SIPA1L1: variants seen among roughly 807,000 people sequenced by gnomAD.
SIPA1L1 encodes signal-induced proliferation-associated 1-like protein 1.
Under a neutral mutation model 162.7 loss-of-function variants are expected in SIPA1L1, and 26 were observed. The observed-to-expected ratio is 0.16, with a 90% CI of 0.12 to 0.22. The LOEUF (loss-of-function observed/expected upper bound fraction) is 0.22, where lower values mean the gene tolerates loss of function less well. SIPA1L1 is among the 10% of genes least tolerant of loss of function. The pLI, the probability that SIPA1L1 is intolerant of heterozygous loss-of-function variation, is 1.00. For synonymous variants in SIPA1L1, 829 were observed against 837.4 expected (o/e 0.99, Z 0.17); for missense variants, 1,874 against 2,241.0 (o/e 0.84, Z 3.31).
At chr14:71,686,775 T>TC (rs2080898208) in intron 13 of SIPA1L1, among the ~76,000 whole-genome samples, 1 of 152,160 alleles carries the variant, frequency 6.6e-6, no homozygotes, top group African/African-American at 2.4e-5. Flanking sequence ...CTTAATCACA[T>TC]CTCAGAATGT....
In SIPA1L1 at chr14:71,417,469, C is replaced by CAAAAAAAAAA. The variant is rs58628136; in HGVS notation, c.-464-95249_-464-95240dup. On this transcript the variant is annotated intron_variant, in intron 2 of 23. Transcript: ENST00000381232. ...CCTGGGCGACAGCGAGACTCCGTCT[C>CAAAAAAAAAA]AAAAAAAAAAAAAAAAAAAAAAAAA... Among the ~76,000 whole-genome samples, 69 of 17,770 alleles carry CAAAAAAAAAA rather than the reference C, an allele frequency of 3.9e-3. 16 individuals are homozygous for CAAAAAAAAAA. Among genetic ancestry groups the CAAAAAAAAAA allele is most frequent in the Admixed American group, 9.1e-3 (9 of 992 alleles). The allele number at this position is 17,770 out of a possible 152,430, so 11.7% of individuals were successfully genotyped here. A position where few individuals can be genotyped will look rare whatever the true frequency, so the allele number is the denominator to read the frequency against.
chr14:71,601,014 T>A (rs918519006), intron 5 of SIPA1L1, among the ~76,000 whole-genome samples: 1 of 152,140 alleles, frequency 6.6e-6, no homozygotes, highest in African/African-American at 2.4e-5. Flanking sequence ...ACTTAAGTTT[T>A]TTCTAGATAT....
intron 2 of SIPA1L1, among the ~76,000 whole-genome samples, chr14:71,435,746 G>A (rs368191371): frequency 4.6e-5 from 7 of 152,136 alleles, no homozygotes; most frequent in Admixed American, 1.3e-4. Flanking sequence ...TTGAGGAATC[G>A]CCATGCTGTC....
intron 2 of SIPA1L1, among the ~76,000 whole-genome samples, chr14:71,487,339 G>A (rs1340965475): frequency 1.3e-5 from 2 of 152,184 alleles, no homozygotes; most frequent in Non-Finnish European, 2.9e-5. Flanking sequence ...AGGAAGTTAA[G>A]CAGTGGTGAT....
rs575343925 is a variant in SIPA1L1 at position 71,543,649 on chromosome 14, T to G, written c.-303+14279T>G. ...TTTGCTATTTCCTGATGACTGATTTTGAGCATCTTTTTATGTGCTGATTGG... is the reference window on the plus strand; with the variant it reads ...TTTGCTATTTCCTGATGACTGATTTGGAGCATCTTTTTATGTGCTGATTGG... On this transcript the variant is annotated intron_variant, in intron 4 of 23. Coordinates refer to ENST00000381232, the MANE Select transcript of SIPA1L1 (RefSeq NM_001386936.1). Among the ~76,000 whole-genome samples, 3 of 152,114 alleles carry G rather than the reference T, an allele frequency of 2.0e-5. No homozygotes were observed. The East Asian group carries it at 5.8e-4, about 29-fold the overall frequency.
intron 2 of SIPA1L1, among the ~76,000 whole-genome samples, chr14:71,380,076 T>C (rs2141170442): frequency 6.6e-6 from 1 of 152,322 alleles, no homozygotes; most frequent in South Asian, 2.1e-4. Flanking sequence ...GTCATGTAAA[T>C]ATACTGCTAG....
chr14:71,722,069 C>T (rs1199681295), intron 17 of SIPA1L1, among the ~76,000 whole-genome samples: 1 of 152,218 alleles, frequency 6.6e-6, no homozygotes, highest in Non-Finnish European at 1.5e-5. Flanking sequence ...TGCAAAGTCC[C>T]ACACCCTCTC....
chr14:71,513,212 A>G (rs548685489), intron 3 of SIPA1L1, among the ~76,000 whole-genome samples: 7 of 152,204 alleles, frequency 4.6e-5, no homozygotes, highest in Admixed American at 1.3e-4. Flanking sequence ...AACTCCAGGT[A>G]GACAGTATCA....
At chr14:71,646,684 G>A (rs2042202842) in intron 7 of SIPA1L1, among the ~76,000 whole-genome samples, 1 of 152,178 alleles carries the variant, frequency 6.6e-6, no homozygotes, top group African/African-American at 2.4e-5. Context: ...TTTATTGAGT[G>A]CCCAGCACTT....
chr14:71,586,572 C>G (rs1268669520), intron 4 of SIPA1L1: 1 of 152,180 alleles, frequency 6.6e-6, no homozygotes, highest in African/African-American at 2.4e-5. Context: ...GAGCCTCTGC[C>G]TTTCTTTTCA....
rs960447548 is a variant in SIPA1L1 at position 71,728,281 on chromosome 14, C to G, written c.4615-1774C>G. On this transcript the variant is annotated intron_variant, in intron 19 of 23. Transcript: ENST00000381232. ...TATTTTTTAAGAAAATTACAGTTAG[C>G]AAGCCATATAATGGCTCTAATGCTC... Among the ~76,000 whole-genome samples, 3 of 152,094 alleles carry G rather than the reference C, an allele frequency of 2.0e-5. No individual in the cohort carries two copies. In the East Asian group the frequency reaches 5.8e-4, roughly 29 times the overall value.
intron 5 of SIPA1L1, among the ~76,000 whole-genome samples, chr14:71,609,254 C>G (rs998381533): frequency 2.0e-5 from 3 of 151,870 alleles, no homozygotes; most frequent in Non-Finnish European, 2.9e-5. Flanking sequence ...TACGAACTCT[C>G]CTTGGAATAA....
intron 2 of SIPA1L1, among the ~76,000 whole-genome samples, chr14:71,357,378 A>C (rs944973342): frequency 8.5e-5 from 13 of 152,216 alleles, no homozygotes; most frequent in Admixed American, 5.9e-4. Flanking sequence ...TGATTTGCTC[A>C]AGACTGTATA....
chr14:71,463,532 C>T (rs2046766778), intron 2 of SIPA1L1, among the ~76,000 whole-genome samples: 2 of 152,176 alleles, frequency 1.3e-5, no homozygotes, highest in African/African-American at 2.4e-5. Flanking sequence ...TCCCTTTCCC[C>T]AGTGCACAGT....
chr14:71,577,730 C>CTTTT lies in SIPA1L1; in HGVS notation c.-302-9823_-302-9820dup, dbSNP rs5809525. 4.5e-4 allele frequency among the ~76,000 whole-genome samples: 44 copies of CTTTT among 97,138 alleles called. 3 individuals are homozygous for CTTTT. The highest frequency in any genetic ancestry group is 1.3e-3 in the African/African-American group (31 of 24,208). The allele number at this position is 97,138 out of a possible 152,430, so 63.7% of individuals were successfully genotyped here. A position where few individuals can be genotyped will look rare whatever the true frequency, so the allele number is the denominator to read the frequency against. The stretch of plus-strand genomic sequence containing the variant: ...TAACTTTATGGCTTGTTGGGCATGC[C>CTTTT]TTTTTTTTTTTTTTTTTTTTTGAAA... On this transcript the variant is annotated intron_variant, in intron 4 of 23. Coordinates refer to ENST00000381232, the MANE Select transcript of SIPA1L1 (RefSeq NM_001386936.1).
chr14:71,602,332 G>A (rs2036870539), intron 5 of SIPA1L1, among the ~76,000 whole-genome samples: 1 of 152,042 alleles, frequency 6.6e-6, no homozygotes, highest in South Asian at 2.1e-4. Flanking sequence ...TCATTCAGGA[G>A]CATATTGTTT....
intron 2 of SIPA1L1, among the ~76,000 whole-genome samples, chr14:71,442,092 G>T (rs577978515): frequency 7.0e-6 from 1 of 143,162 alleles, no homozygotes; most frequent in South Asian, 2.2e-4. Flanking sequence ...GGAATGGCTT[G>T]AACCTGGGAG....
At chr14:71,586,163 A>T (rs1390422701) in intron 4 of SIPA1L1, 1 of 152,218 alleles carries the variant, frequency 6.6e-6, no homozygotes, top group Non-Finnish European at 1.5e-5. Context: ...ATGGCTCCAC[A>T]GACTCAGCCA....
At chr14:71,710,468 A>G (rs1229739332) in intron 17 of SIPA1L1, among the ~76,000 whole-genome samples, 2 of 152,212 alleles carry the variant, frequency 1.3e-5, no homozygotes, top group Non-Finnish European at 2.9e-5. Context: ...GTGTGAGACC[A>G]TCTAACCTTG....
Sources: gnomAD v4.1 joint callset for allele counts (sites outside exome capture counted in the v4.1 genomes callset) on GRCh38, gnomAD v4.1.1 for gene constraint, MANE v1.5 for transcripts, NCBI Gene and HGNC (gene_info 2026-07-23, HGNC 2026-07-21) for gene names.